Variants in TEKTL1 observed in about 807,000 individuals in gnomAD.
TEKTL1 encodes tektin like 1.
the TEKTL1 span, among the ~76,000 whole-genome samples, chr19:15,012,118 C>T: frequency 6.6e-6 from 1 of 150,914 alleles, no homozygotes; most frequent in South Asian, 2.1e-4. Context: ...TTTAGTGGCC[C>T]AGCATGGTGG....
the TEKTL1 span, chr19:15,021,458 A>C: frequency 3.1e-6 from 5 of 1,614,230 alleles, no homozygotes; most frequent in Non-Finnish European, 4.2e-6. Flanking sequence ...CAACAGCTGC[A>C]GATAAGCGAC....
At chr19:15,021,919 G>A in the TEKTL1 span, 9 of 1,612,258 alleles carry the variant, frequency 5.6e-6, no homozygotes, top group African/African-American at 1.1e-4. Flanking sequence ...GCCTCGCACA[G>A]GTAAACCCCC....
the TEKTL1 span, among the ~76,000 whole-genome samples, chr19:15,013,952 G>A: frequency 1.3e-5 from 2 of 152,162 alleles, no homozygotes; most frequent in African/African-American, 2.4e-5. Flanking sequence ...GGGAGATGAC[G>A]TTGGGTCTCA....
At chr19:15,021,734 TCGGGGGTGGAG>T in the TEKTL1 span, 1 of 1,613,138 alleles carries the variant, frequency 6.2e-7, no homozygotes, top group Non-Finnish European at 8.5e-7. Flanking sequence ...GTGAGAGCCT[TCGGGGGTGGAG>T]GCAGGGGTGC....
the TEKTL1 span, among the ~76,000 whole-genome samples, chr19:15,013,270 A>T: frequency 1.3e-5 from 2 of 151,800 alleles, no homozygotes; most frequent in Admixed American, 1.3e-4. Context: ...AAAAACGTAA[A>T]CCCTCATCAT....
the TEKTL1 span, chr19:15,021,567 G>T: frequency 6.2e-7 from 1 of 1,613,498 alleles, no homozygotes; most frequent in East Asian, 2.2e-5. Context: ...CAGGGGAGGA[G>T]ACGCGGACTG....
At chr19:15,022,315 G>GTTATTATTA in the TEKTL1 span, among the ~76,000 whole-genome samples, 2 of 151,092 alleles carry the variant, frequency 1.3e-5, no homozygotes, top group East Asian at 2.0e-4. Context: ...CTGCCCAGCT[G>GTTATTATTA]TTATTATTAA....
chr19:15,019,742 C>T, the TEKTL1 span, among the ~76,000 whole-genome samples: 3 of 151,898 alleles, frequency 2.0e-5, no homozygotes, highest in Non-Finnish European at 2.9e-5. Flanking sequence ...AATCCTAAAA[C>T]TTTGGGAGGC....
the TEKTL1 span, among the ~76,000 whole-genome samples, chr19:15,013,425 A>C: frequency 6.6e-6 from 1 of 151,964 alleles, no homozygotes; most frequent in Non-Finnish European, 1.5e-5. Context: ...CTGGGCTCCT[A>C]TCTGTAAAAG....
chr19:15,020,791 A>G, the TEKTL1 span: 8 of 735,530 alleles, frequency 1.1e-5, no homozygotes, highest in Non-Finnish European at 1.5e-5. Context: ...CTGAAAGCCT[A>G]TCATGCTGAG....
chr19:15,018,521 C>A, the TEKTL1 span, among the ~76,000 whole-genome samples: 37 of 150,952 alleles, frequency 2.5e-4, no homozygotes, highest in African/African-American at 9.0e-4. Flanking sequence ...CAAGCCTGGA[C>A]AACATAGTAA....
the TEKTL1 span, among the ~76,000 whole-genome samples, chr19:15,014,218 C>G: frequency 6.6e-6 from 1 of 152,166 alleles, no homozygotes; most frequent in South Asian, 2.1e-4. Context: ...CTGCATCCTT[C>G]GCACTTGCAA....
chr19:15,017,995 C>T, the TEKTL1 span, among the ~76,000 whole-genome samples: 3 of 151,454 alleles, frequency 2.0e-5, no homozygotes, highest in African/African-American at 7.3e-5. Context: ...AGGAGTTCAA[C>T]ACTAGCCTGA....
At chr19:15,022,361 C>G in the TEKTL1 span, among the ~76,000 whole-genome samples, 1 of 152,120 alleles carries the variant, frequency 6.6e-6, no homozygotes, top group Admixed American at 6.6e-5. Context: ...CAGACTCTCG[C>G]TCTGTCGCCC....
At chr19:15,020,644 G>A in the TEKTL1 span, 2 of 1,613,126 alleles carry the variant, frequency 1.2e-6, no homozygotes, top group Non-Finnish European at 1.7e-6. Flanking sequence ...AGACCCTGTG[G>A]GCACCTATAA....
the TEKTL1 span, chr19:15,022,806 G>A: frequency 1.3e-6 from 2 of 1,511,552 alleles, no homozygotes; most frequent in Admixed American, 2.1e-5. Context: ...CCTGGCGCAG[G>A]TGTGCCTTCC....
the TEKTL1 span, among the ~76,000 whole-genome samples, chr19:15,020,989 C>T: frequency 2.0e-5 from 3 of 151,938 alleles, no homozygotes; most frequent in South Asian, 6.2e-4. Flanking sequence ...AAGTGATTCT[C>T]CTGCCTCGGC....
chr19:15,013,758 A>G, the TEKTL1 span: 1 of 1,612,824 alleles, frequency 6.2e-7, no homozygotes, highest in South Asian at 1.1e-5. Context: ...ATATGGAAAA[A>G]TCAGAGGTCC....
the TEKTL1 span, chr19:15,010,853 C>A: frequency 1.3e-6 from 2 of 1,547,710 alleles, no homozygotes; most frequent in South Asian, 1.2e-5. Flanking sequence ...CCCGGCTGAG[C>A]GCAGCCAGGA....
Sources: gnomAD v4.1 joint callset for allele counts (sites outside exome capture counted in the v4.1 genomes callset) on GRCh38, gnomAD v4.1.1 for gene constraint, MANE v1.5 for transcripts, NCBI Gene and HGNC (gene_info 2026-07-23, HGNC 2026-07-21) for gene names.